The following NAV3 variants were observed in gnomAD, a reference collection of about 807,000 sequenced individuals.
NAV3 encodes the protein pore membrane and/or filament interacting like protein 1.
NAV3 carries 87 observed loss-of-function variants against 244.7 expected under a neutral mutation model. The ratio of observed to expected loss-of-function variants is 0.36; its 90% CI spans 0.30 to 0.42. NAV3 has a LOEUF of 0.42. Ranked by LOEUF, NAV3 falls within the 20% of genes least tolerant of loss-of-function variation. NAV3 has a pLI of 1.00. For missense variants in NAV3, 2,663 were observed against 2,893.3 expected (o/e 0.92, Z 1.83); for synonymous variants, 1,126 against 1,042.2 (o/e 1.08, Z -1.55).
chr12:77,739,434 A>G, intron 2 of NAV3, among the ~76,000 whole-genome samples: 2 of 152,262 alleles, frequency 1.3e-5, no homozygotes, highest in Middle Eastern at 6.8e-3. Flanking sequence ...CTTGAAGAGA[A>G]TAAGATTTAT....
chr12:78,134,003 G>A (rs988461933), intron 18 of NAV3, among the ~76,000 whole-genome samples: 8 of 152,096 alleles, frequency 5.3e-5, no homozygotes, highest in South Asian at 2.1e-4. Flanking sequence ...GATAACAATC[G>A]CTCAGATTCA....
intron 2 of NAV3, among the ~76,000 whole-genome samples, chr12:77,643,222 G>A (rs1205490438): frequency 6.6e-6 from 1 of 151,872 alleles, no homozygotes; most frequent in South Asian, 2.1e-4. Flanking sequence ...TCGTATATTA[G>A]TTAGAATTGT....
intron 9 of NAV3, among the ~76,000 whole-genome samples, chr12:78,045,596 G>A (rs1436741875): frequency 3.3e-5 from 5 of 152,070 alleles, no homozygotes; most frequent in Non-Finnish European, 7.4e-5. Context: ...CCTGGCCAGT[G>A]GATAAGCTTT....
chr12:77,869,855 T>G (rs1275130218), intron 1 of NAV3, among the ~76,000 whole-genome samples: 4 of 152,216 alleles, frequency 2.6e-5, no homozygotes, highest in Non-Finnish European at 5.9e-5. Context: ...ATTTCTAATG[T>G]GTAACACATA....
chr12:77,695,145 C>G (rs187124210), intron 2 of NAV3, among the ~76,000 whole-genome samples: 3 of 152,268 alleles, frequency 2.0e-5, no homozygotes, highest in African/African-American at 7.2e-5. Flanking sequence ...TGTGCAGAAG[C>G]TTTTTAACTA....
intron 34 of NAV3, among the ~76,000 whole-genome samples, chr12:78,192,412 TA>T (rs1959022749): frequency 6.7e-6 from 1 of 149,588 alleles, no homozygotes; most frequent in Non-Finnish European, 1.5e-5. Flanking sequence ...TATTTTTATT[TA>T]TTTTTTTTTT....
chr12:77,932,241 C>T (rs943636930), intron 1 of NAV3, among the ~76,000 whole-genome samples: 1 of 152,016 alleles, frequency 6.6e-6, no homozygotes, highest in Admixed American at 6.6e-5. Flanking sequence ...CCTGATAACC[C>T]TAAGTCCGGA....
At chr12:78,117,197 GATATACATT>G (rs1955440451) in intron 13 of NAV3, among the ~76,000 whole-genome samples, 1 of 27,850 alleles carries the variant, frequency 3.6e-5, no homozygotes, top group African/African-American at 1.2e-4. Flanking sequence ...ATATATATAT[GATATACATT>G]ACATATTTAT....
At chr12:77,631,470 G>GA (rs199783357) in intron 2 of NAV3, among the ~76,000 whole-genome samples, 181 of 134,676 alleles carry the variant, frequency 1.3e-3, no homozygotes, top group South Asian at 4.6e-3. Context: ...TAATCTTTTG[G>GA]AAAAAAAAAA....
chr12:77,959,912 CAAAAAA>C (rs57550714), intron 3 of NAV3, among the ~76,000 whole-genome samples: 1 of 64,684 alleles, frequency 1.5e-5, no homozygotes, highest in African/African-American at 6.2e-5. Context: ...CCTGACCCGA[CAAAAAA>C]AAAAAAAAAA....
At chr12:77,749,077 T>G (rs1195643805) in intron 2 of NAV3, among the ~76,000 whole-genome samples, 1 of 152,190 alleles carries the variant, frequency 6.6e-6, no homozygotes, top group Non-Finnish European at 1.5e-5. Context: ...CCATCCACGT[T>G]GTTGGAAATG....
At chr12:77,918,970 A>T (rs1887441323) in intron 1 of NAV3, among the ~76,000 whole-genome samples, 1 of 152,088 alleles carries the variant, frequency 6.6e-6, no homozygotes, top group Non-Finnish European at 1.5e-5. Flanking sequence ...TGTGATGATT[A>T]TTATAATCTG....
In NAV3 at chr12:77,576,438, C is replaced by T. The variant is rs373476520; in HGVS notation, c.72+4172C>T. Among the ~76,000 whole-genome samples, 933 of 152,128 alleles carry T rather than the reference C, an allele frequency of 6.1e-3. 10 individuals are homozygous for T. Among genetic ancestry groups the T allele is most frequent in the South Asian group, 0.028 (134 of 4,824 alleles). On this transcript the variant is annotated intron_variant, in intron 2 of 8. Transcript: ENST00000550042. Reference sequence around the variant, plus strand: ...CAGAAGCGTGGTCTGGGCTTGGTGTCTGCATGTGACTGTGTTAGGTTACTT... The same window carrying T: ...CAGAAGCGTGGTCTGGGCTTGGTGTTTGCATGTGACTGTGTTAGGTTACTT...
chr12:77,635,719 T>TA (rs1329469815), intron 2 of NAV3, among the ~76,000 whole-genome samples: 5 of 152,168 alleles, frequency 3.3e-5, no homozygotes, highest in African/African-American at 4.8e-5. Flanking sequence ...ATTGAGCACT[T>TA]ACTATGGTCT....
chr12:78,127,281 CTTT>C (rs975594162), intron 17 of NAV3, 73 bp downstream of exon 17: 10 of 1,445,964 alleles, frequency 6.9e-6, no homozygotes, highest in Non-Finnish European at 9.6e-6. Flanking sequence ...TCTCTTCCTT[CTTT>C]GTTTGTTTGC....
intron 9 of NAV3, among the ~76,000 whole-genome samples, chr12:78,030,049 C>G (rs1024690436): frequency 1.3e-5 from 2 of 152,050 alleles, no homozygotes; most frequent in African/African-American, 4.8e-5. Flanking sequence ...GTATAAGATG[C>G]ATATGAAACA....
intron 5 of NAV3, among the ~76,000 whole-genome samples, chr12:77,969,383 A>C (rs1892804157): frequency 6.6e-6 from 1 of 151,984 alleles, no homozygotes; most frequent in Admixed American, 6.6e-5. Flanking sequence ...ATAACAAGAG[A>C]TTTATTGTGA....
intron 1 of NAV3, among the ~76,000 whole-genome samples, chr12:77,858,223 A>G (rs1201376142): frequency 6.6e-6 from 1 of 151,948 alleles, no homozygotes; most frequent in African/African-American, 2.4e-5. Context: ...AATATTTAAA[A>G]CTCTGGAGTA....
At chr12:78,132,557 T>C (rs1326803687) in intron 18 of NAV3, among the ~76,000 whole-genome samples, 3 of 152,192 alleles carry the variant, frequency 2.0e-5, no homozygotes, top group Admixed American at 2.0e-4. Flanking sequence ...AAGGTCACTT[T>C]TGAGAGTGAA....
Sources: allele counts gnomAD v4.1 joint callset (sites outside exome capture counted in the v4.1 genomes callset), GRCh38; gene constraint gnomAD v4.1.1; transcripts MANE v1.5; gene names NCBI Gene and HGNC (gene_info 2026-07-23, HGNC 2026-07-21).